Variants in SLC4A5 observed in about 807,000 individuals in gnomAD.
The protein encoded by SLC4A5 is electrogenic sodium bicarbonate cotransporter 4.
SLC4A5 carries 96 observed loss-of-function variants against 120.4 expected under a neutral mutation model. The observed-to-expected ratio is 0.80, with a 90% CI of 0.68 to 0.94. The LOEUF is 0.94. SLC4A5 is among the 40% of genes least tolerant of loss of function. The pLI, the probability that SLC4A5 is intolerant of heterozygous loss-of-function variation, is 0.00. For synonymous variants in SLC4A5, 550 were observed against 571.1 expected (o/e 0.96, Z 0.53); for missense variants, 1,259 against 1,459.5 (o/e 0.86, Z 2.24).
In SLC4A5 at chr2:74,250,329, C is replaced by T. The variant is rs756531928; in HGVS notation, c.1653+14G>A. 119 of 1,609,614 alleles carry T rather than the reference C, an allele frequency of 7.4e-5. 1 individual carries two copies. Among genetic ancestry groups the T allele is most frequent in the Middle Eastern group, 5.1e-4 (3 of 5,868 alleles). ...GATCTTACTTTTACACTCAGGGCACCGGCTCGCACACACCTGATAATTGTC... is the reference window on the plus strand; with the variant it reads ...GATCTTACTTTTACACTCAGGGCACTGGCTCGCACACACCTGATAATTGTC... On this transcript the variant is annotated intron_variant, in intron 17 of 30. Coordinates refer to ENST00000394019, the Ensembl canonical transcript of SLC4A5.
intron 5 of SLC4A5, among the ~76,000 whole-genome samples, 186 bp from the exon 6 acceptor site, chr2:74,315,211 G>C (rs890777141): frequency 6.6e-6 from 1 of 152,020 alleles, no homozygotes; most frequent in Non-Finnish European, 1.5e-5. Context: ...AGGCTGAGGC[G>C]GGTGGATCAC....
intron 16 of SLC4A5, among the ~76,000 whole-genome samples, chr2:74,250,942 C>T (rs564738465): frequency 2.0e-5 from 3 of 152,298 alleles, no homozygotes; most frequent in South Asian, 4.1e-4. Flanking sequence ...AAGAACAGAT[C>T]CTAAACCTTA....
At chr2:74,270,353 G>A (rs74537320) in intron 8 of SLC4A5, among the ~76,000 whole-genome samples, 1 of 152,204 alleles carries the variant, frequency 6.6e-6, no homozygotes, top group Non-Finnish European at 1.5e-5. Context: ...CTGTCCATTA[G>A]AATAACTTGG....
At chr2:74,336,252 A>G (rs1673485057) in intron 3 of SLC4A5, among the ~76,000 whole-genome samples, 1 of 152,124 alleles carries the variant, frequency 6.6e-6, no homozygotes, top group Non-Finnish European at 1.5e-5. Flanking sequence ...AATTTTTTGT[A>G]GAGATGAGGT....
At chr2:74,291,307 G>T (rs1040214147) in intron 7 of SLC4A5, among the ~76,000 whole-genome samples, 1 of 152,220 alleles carries the variant, frequency 6.6e-6, no homozygotes, top group South Asian at 2.1e-4. Flanking sequence ...TCCTGGGTTT[G>T]GTTTAACAAG....
At chr2:74,262,207 A>G in exon 11 of SLC4A5, 1 of 1,554,094 alleles carries the variant, frequency 6.4e-7, no homozygotes, top group Non-Finnish European at 8.7e-7. Flanking sequence ...TCGGGCCAGC[A>G]CCAGGGCTCC....
intron 6 of SLC4A5, among the ~76,000 whole-genome samples, chr2:74,306,561 T>C (rs1278728144): frequency 6.6e-6 from 1 of 152,216 alleles, no homozygotes; most frequent in Non-Finnish European, 1.5e-5. Flanking sequence ...ACAGGAATCA[T>C]ATATTATGAA....
chr2:74,308,044 G>C (rs1672700900), intron 6 of SLC4A5: 7 of 512,034 alleles, frequency 1.4e-5, no homozygotes, highest in Non-Finnish European at 2.4e-5. Context: ...AAAGGACTCA[G>C]GCTTTGCTGA....
In SLC4A5 at chr2:74,220,517, C is replaced by CT. The variant is rs887993475; in HGVS notation, c.*33+916dup. Among the ~76,000 whole-genome samples, 14 of 151,506 alleles carry CT rather than the reference C, an allele frequency of 9.2e-5. No homozygotes were observed. The East Asian group carries it at 1.2e-3, about 13-fold the overall frequency. ...AAGCCATGCCTAGTTTTTCTGTTTT[C>CT]TTTTTTTTTCTTTTTTTGAGATGGA... On this transcript the variant is annotated intron_variant, in intron 30 of 30. Transcript: ENST00000394019.
At chr2:74,286,856 C>T (rs1361622367) in intron 7 of SLC4A5, among the ~76,000 whole-genome samples, 12 of 152,092 alleles carry the variant, frequency 7.9e-5, no homozygotes, top group Non-Finnish European at 4.4e-5. Flanking sequence ...TTCCAGACAC[C>T]CTGTGGTGGA....
chr2:74,300,112 A>G (rs1195329371), intron 7 of SLC4A5, among the ~76,000 whole-genome samples: 1 of 152,254 alleles, frequency 6.6e-6, no homozygotes, highest in Non-Finnish European at 1.5e-5. Flanking sequence ...TAAGTGAAAT[A>G]AGCCAGAACT....
intron 17 of SLC4A5, among the ~76,000 whole-genome samples, 177 bp from the exon 18 acceptor site, chr2:74,248,663 T>C (rs1206712574): frequency 6.6e-6 from 1 of 152,232 alleles, no homozygotes; most frequent in Admixed American, 6.5e-5. Context: ...CTTGCCACCA[T>C]GGCCATTGTC....
intron 4 of SLC4A5, among the ~76,000 whole-genome samples, chr2:74,332,228 C>T (rs1239048658): frequency 1.3e-5 from 2 of 152,270 alleles, no homozygotes; most frequent in South Asian, 4.2e-4. Context: ...TAAAAGAGTC[C>T]ACATAGACTG....
At chr2:74,301,339 G>T (rs2104243376) in intron 7 of SLC4A5, among the ~76,000 whole-genome samples, 1 of 152,250 alleles carries the variant, frequency 6.6e-6, no homozygotes, top group East Asian at 1.9e-4. Flanking sequence ...GGAACTGAAG[G>T]GGTCTCTGCT....
Position 74,328,288 on chromosome 2 carries a change from C to A in SLC4A5, c.-69-102G>T, listed in dbSNP as rs79145084. 0.011 allele frequency: 7,539 copies of A among 677,822 alleles called. 500 individuals are homozygous for A. The African/African-American group carries it at 0.14, about 12-fold the overall frequency. 42.0% of individuals were successfully genotyped at this position (677,822 alleles called of 1,614,324 possible). A position where few individuals can be genotyped will look rare whatever the true frequency, so the allele number is the denominator to read the frequency against. On this transcript the variant is annotated intron_variant, in intron 4 of 30. Coordinates refer to ENST00000394019, the Ensembl canonical transcript of SLC4A5. ...GCTCAGTGGCGGCCAGCCATGTGAC[C>A]AAGGTGGGGGGAGGGACGCTCCTGC... is the stretch of plus-strand genomic sequence containing the variant.
chr2:74,336,494 A>G (rs535765356), intron 3 of SLC4A5, among the ~76,000 whole-genome samples: 2 of 152,360 alleles, frequency 1.3e-5, no homozygotes, highest in Admixed American at 6.5e-5. Context: ...GAATGATAGC[A>G]GCTATCCCAT....
intron 8 of SLC4A5, among the ~76,000 whole-genome samples, chr2:74,273,092 C>T (rs1321432317): frequency 6.6e-6 from 1 of 152,190 alleles, no homozygotes; most frequent in African/African-American, 2.4e-5. Flanking sequence ...ACATCAGAAT[C>T]TCAGGGGACT....
rs771484697 is a variant in SLC4A5, at chr2:74,255,931, C to T, written c.869G>A (p.Arg290Gln). Residue 290 changes from arginine to glutamine, a missense_variant and splice_region_variant, in exon 13 of 31, where the codon CGG becomes CAG. Coordinates refer to ENST00000394019, the Ensembl canonical transcript of SLC4A5. The surrounding 1 kb of genome is among the most constrained non-coding windows in gnomAD (Gnocchi z 4.0). The stretch of plus-strand genomic sequence containing the variant: ...GATCTTCTTCATGAATTTGTTTTTC[C>T]GCTGGACAGGGAGGGGAAACGAGAT... 19 of 1,613,376 alleles carry T rather than the reference C, an allele frequency of 1.2e-5. No individual in the cohort carries two copies. Among genetic ancestry groups the T allele is most frequent in the East Asian group, 4.5e-5 (2 of 44,870 alleles).
At chr2:74,286,489 C>T (rs1671987503) in intron 7 of SLC4A5, among the ~76,000 whole-genome samples, 1 of 152,204 alleles carries the variant, frequency 6.6e-6, no homozygotes. Context: ...CTCCCAAACA[C>T]ACTTCACCTG....
Sources: allele counts gnomAD v4.1 joint callset (sites outside exome capture counted in the v4.1 genomes callset), GRCh38; gene constraint gnomAD v4.1.1; non-coding constraint Gnocchi (gnomAD v3.1); transcripts MANE v1.5; gene names NCBI Gene and HGNC (gene_info 2026-07-23, HGNC 2026-07-21).